The following RRP9 variants were observed in gnomAD, a reference collection of about 807,000 sequenced individuals.
The protein encoded by RRP9 is ribosomal RNA processing 9, U3 small nucleolar RNA binding protein, also known as U3 small nucleolar RNA-interacting protein 2.
A neutral mutation model predicts 65.5 loss-of-function variants in RRP9; 35 were observed. The observed-to-expected ratio is 0.53, with a 90% CI of 0.41 to 0.71. The LOEUF (loss-of-function observed/expected upper bound fraction) is 0.71, where lower values mean the gene tolerates loss of function less well. RRP9 is among the 30% of genes least tolerant of loss of function. The pLI is 0.00. For missense variants in RRP9, 533 were observed against 633.6 expected (o/e 0.84, Z 1.70); for synonymous variants, 254 against 245.0 (o/e 1.04, Z -0.34).
chr3:51,936,132 T>C, intron 8 of RRP9, 125 bp downstream of exon 8: 1 of 859,540 alleles, frequency 1.2e-6, no homozygotes. Context: ...ACAGCACCAC[T>C]CGCTACCCAC....
Position 51,937,413 on chromosome 3 carries a change from CA to C in RRP9, c.391-96del. ...TAGTGTTGGCCTTTCCCACCCAGGC[CA>C]GAAGGAAAACAAGACCCAAGGCTAC... On this transcript the variant is annotated intron_variant, in intron 5 of 14. Coordinates refer to ENST00000232888, the MANE Select transcript of RRP9 (RefSeq NM_004704.5). The surrounding 1 kb of genome is among the most constrained non-coding windows in gnomAD (Gnocchi z 5.0). 1 of 1,606,782 alleles carries C rather than the reference CA, an allele frequency of 6.2e-7. No homozygotes were observed. The highest frequency in any genetic ancestry group is 8.5e-7 in the Non-Finnish European group (1 of 1,174,862).
At chr3:51,935,113 GC>G in intron 11 of RRP9, 83 bp downstream of exon 11, 1 of 1,434,804 alleles carries the variant, frequency 7.0e-7, no homozygotes, top group Non-Finnish European at 9.8e-7. Flanking sequence ...CACTGGGGGT[GC>G]CCTGAGGCAA....
intron 2 of RRP9, among the ~76,000 whole-genome samples, chr3:51,940,898 T>C (rs964600996): frequency 3.9e-5 from 6 of 152,190 alleles, no homozygotes; most frequent in Non-Finnish European, 8.8e-5. Context: ...TACCTCTCCG[T>C]GAGAGACTCC....
rs1699413358 is a variant in RRP9 at position 51,933,472 on chromosome 3, C to T, written c.*34G>A. The T allele has an allele frequency of 6.4e-7, 1 of 1,563,170 alleles. No individual in the cohort carries two copies. The highest frequency in any genetic ancestry group is 1.4e-5 in the African/African-American group (1 of 73,848). On this transcript the variant is annotated 3_prime_UTR_variant, in exon 15 of 15. Coordinates refer to ENST00000232888, the MANE Select transcript of RRP9 (RefSeq NM_004704.5). ...TTAATACAAAGAGGGTGGGGCATAG[C>T]CTGGGAAGGACTTAAATAAGGAGGA...
rs747276295 is a variant in RRP9 at position 51,934,716 on chromosome 3, G to A, written c.1095C>T (p.His365=). ...CCAGGCCTGGCTCTCCCCGCAGCCC[G>A]TGAGCTTCACGCTGCAGGGCAAGTG... ...KRPLALQREA[H]GLRGEPGLEQ... is the part of the protein sequence containing the mutation. The change falls in exon 12 of 15, where the codon CAC becomes CAT. Residue 365 remains histidine (H), a synonymous_variant. Transcript: ENST00000232888. The surrounding 1 kb of genome is among the most constrained non-coding windows in gnomAD (Gnocchi z 4.1). 1.9e-5 allele frequency: 30 copies of A among 1,614,006 alleles called. No individual in the cohort carries two copies. Among genetic ancestry groups the A allele is most frequent in the Admixed American group, 5.0e-5 (3 of 60,008 alleles).
chr3:51,938,104 G>C lies in RRP9; in HGVS notation c.271C>G (p.Arg91Gly). 6.2e-7 allele frequency: 1 copy of C among 1,600,092 alleles called. No homozygotes were observed. The highest frequency in any genetic ancestry group is 1.3e-5 in the African/African-American group (1 of 74,446). Residue 91 changes from arginine to glycine, a missense_variant, in exon 3 of 15, where the codon CGT (arginine) becomes GGT (glycine). Physicochemically the swap from Arg to Gly is moderately radical, Grantham distance 125. Transcript: ENST00000232888. ...RLAKLYLEQL[R>G]QQEEEKAEAR... ...CTGCCCACTGGCTCACCTTGCTGAC[G>C]GAGCTGCTCTAGGTAGAGCTTGGCC...
chr3:51,934,728 C>A lies in RRP9; in HGVS notation c.1083G>T (p.Gln361His). 2 of 1,614,178 alleles carry A rather than the reference C, an allele frequency of 1.2e-6. No homozygotes were observed. The highest frequency in any genetic ancestry group is 1.7e-6 in the Non-Finnish European group (2 of 1,180,030). The change falls in exon 12 of 15, where the codon CAG becomes CAT. Residue 361 changes from glutamine to histidine, a missense_variant. Physicochemically the swap from Gln to His is conservative, Grantham distance 24. This residue lies in a region of RRP9 where 449 missense variants were observed against 550.6 expected (regional missense o/e 0.82). Transcript: ENST00000232888. This position sits in a 1 kb window ranked among gnomAD's most constrained non-coding sequence, Gnocchi z 4.1. ...GLSKKRPLAL[Q>H]REAHGLRGEP... ...CTCCCCGCAGCCCGTGAGCTTCACG[C>A]TGCAGGGCAAGTGGTCGCTTCTTGG...
At position 51,934,445 on chromosome 3, in the gene RRP9, G is replaced by C. The variant is rs376777324; in HGVS notation, c.1260+27C>G. On this transcript the variant is annotated intron_variant, in intron 13 of 14. Coordinates refer to ENST00000232888, the MANE Select transcript of RRP9 (RefSeq NM_004704.5). This position sits in a 1 kb window ranked among gnomAD's most constrained non-coding sequence, Gnocchi z 4.1. ...GGCCTAGGCAGTGTGGCAGAGACAG[G>C]CTGAGCATTCAAGCACACTCACTCA... 2 of 1,600,674 alleles carry C rather than the reference G, an allele frequency of 1.2e-6. No homozygotes were observed. The highest frequency in any genetic ancestry group is 1.7e-6 in the Non-Finnish European group (2 of 1,171,578).
chr3:51,934,517 A>G lies in RRP9; in HGVS notation c.1215T>C (p.Cys405=). 6.2e-7 allele frequency: 1 copy of G among 1,614,050 alleles called. No homozygotes were observed. The highest frequency in any genetic ancestry group is 8.5e-7 in the Non-Finnish European group (1 of 1,179,944). Residue 405 remains cysteine, a synonymous_variant, in exon 13 of 15, where the codon TGT becomes TGC. Transcript: ENST00000232888. The surrounding 1 kb of genome is among the most constrained non-coding windows in gnomAD (Gnocchi z 4.1). ...SHSSCVRLWQ[C]GEGFRQLDLL... The stretch of plus-strand genomic sequence containing the variant: ...GGTCAAGCTGCCGGAAGCCTTCCCC[A>G]CACTGCCAAAGCCGCACACAGGAGC...
In RRP9 at chr3:51,934,443, A is replaced by C; in HGVS notation, c.1260+29T>G. On this transcript the variant is annotated intron_variant, in intron 13 of 14. Transcript: ENST00000232888. This position sits in a 1 kb window ranked among gnomAD's most constrained non-coding sequence, Gnocchi z 4.1. Reference sequence around the variant, plus strand: ...GGGGCCTAGGCAGTGTGGCAGAGACAGGCTGAGCATTCAAGCACACTCACT... The same window carrying C: ...GGGGCCTAGGCAGTGTGGCAGAGACCGGCTGAGCATTCAAGCACACTCACT... The C allele has an allele frequency of 6.3e-7, 1 of 1,598,888 alleles. No individual in the cohort carries two copies. Among genetic ancestry groups the C allele is most frequent in the Non-Finnish European group, 8.5e-7 (1 of 1,170,526 alleles).
intron 2 of RRP9, among the ~76,000 whole-genome samples, chr3:51,940,635 C>T (rs1489826771): frequency 6.6e-6 from 1 of 152,170 alleles, no homozygotes; most frequent in Non-Finnish European, 1.5e-5. Context: ...AAACCTTAGC[C>T]TCCTGAGTAG....
rs181547126 is a variant in RRP9, at chr3:51,937,268, G to A, written c.441C>T (p.Leu147=). The part of the protein sequence containing the change: ...ADIRVLRGHQ[L]SITCLVVTPD... ...GGGTGACGACCAAACATGTGATAGAGAGCTGGTGCCCCCGTAAAACGCGAA... is the reference window on the plus strand; with the variant it reads ...GGGTGACGACCAAACATGTGATAGAAAGCTGGTGCCCCCGTAAAACGCGAA... The change falls in exon 6 of 15, where the codon CTC becomes CTT. Residue 147 remains leucine (L), a synonymous_variant. Coordinates refer to ENST00000232888, the MANE Select transcript of RRP9 (RefSeq NM_004704.5). This position sits in a 1 kb window ranked among gnomAD's most constrained non-coding sequence, Gnocchi z 5.0. 1.1e-5 allele frequency: 18 copies of A among 1,614,056 alleles called. No homozygotes were observed. The South Asian group carries it at 1.9e-4, about 17-fold the overall frequency.
chr3:51,933,552 A>G lies in RRP9; in HGVS notation c.1382T>C (p.Ile461Thr), dbSNP rs891682895. ...TACAGGGACCCTGCGGAGTGGGATG[A>G]TGCAGACAGAATTCCGAGCCTCTTT... ...RIKEARNSVC[I>T]IPLRRVPVPP... The change falls in exon 15 of 15, where the codon ATC becomes ACC. Residue 461 changes from isoleucine (I) to threonine (T), a missense_variant. Physicochemically the swap from Ile to Thr is moderately conservative, Grantham distance 89 (BLOSUM62 -1). Transcript: ENST00000232888. 3 of 1,614,116 alleles carry G rather than the reference A, an allele frequency of 1.9e-6. No individual in the cohort carries two copies. Among genetic ancestry groups the G allele is most frequent in the South Asian group, 1.1e-5 (1 of 91,086 alleles).
At position 51,935,433 on chromosome 3, in the gene RRP9, G is replaced by C. The variant is rs192550426; in HGVS notation, c.880C>G (p.Arg294Gly). The C allele has an allele frequency of 6.2e-7, 1 of 1,614,134 alleles. No individual in the cohort carries two copies. Among genetic ancestry groups the C allele is most frequent in the South Asian group, 1.1e-5 (1 of 91,086 alleles). ...DAVAALDALS[R>G]ECCVTAGGRD... ...CCCCCAGCCGTCACACAGCACTCCC[G>C]GCTCAAGGCATCCAGTGCAGCCACA... Residue 294 changes from arginine (R) to glycine (G), a missense_variant, in exon 10 of 15, where the codon CGG (arginine) becomes GGG (glycine). By Grantham distance (125) the Arg-to-Gly change is moderately radical. This residue lies in a region of RRP9 where 449 missense variants were observed against 550.6 expected (regional missense o/e 0.82). Transcript: ENST00000232888.
Position 51,934,462 on chromosome 3 carries a change from A to G in RRP9, c.1260+10T>C, listed in dbSNP as rs764781682. 11 of 1,610,840 alleles carry G rather than the reference A, an allele frequency of 6.8e-6. No individual in the cohort carries two copies. Among genetic ancestry groups the G allele is most frequent in the Admixed American group, 5.0e-5 (3 of 59,900 alleles). On this transcript the variant is annotated intron_variant, in intron 13 of 14. Transcript: ENST00000232888. This position sits in a 1 kb window ranked among gnomAD's most constrained non-coding sequence, Gnocchi z 4.1. ...AGAGACAGGCTGAGCATTCAAGCAC[A>G]CTCACTCACCAGGGGGATGTCACAG...
chr3:51,934,914 C>T lies in RRP9; in HGVS notation c.1035-138G>A. 1 of 968,644 alleles carries T rather than the reference C, an allele frequency of 1.0e-6. No individual in the cohort carries two copies. 60.0% of individuals were successfully genotyped at this position (968,644 alleles called of 1,614,324 possible). On this transcript the variant is annotated intron_variant, in intron 11 of 14. Coordinates refer to ENST00000232888, the MANE Select transcript of RRP9 (RefSeq NM_004704.5). This position sits in a 1 kb window ranked among gnomAD's most constrained non-coding sequence, Gnocchi z 4.1. ...ATTATTACATATTGCATGCCTGTATCAAAACATCTCAAGTACCCCACAAAT... is the reference window on the plus strand; with the variant it reads ...ATTATTACATATTGCATGCCTGTATTAAAACATCTCAAGTACCCCACAAAT...
rs1443062100 is a variant in RRP9 at position 51,937,168 on chromosome 3, A to C, written c.517+24T>G. On this transcript the variant is annotated intron_variant, in intron 6 of 14. Coordinates refer to ENST00000232888, the MANE Select transcript of RRP9 (RefSeq NM_004704.5). This position sits in a 1 kb window ranked among gnomAD's most constrained non-coding sequence, Gnocchi z 5.0. ...CTCCCGGATCCGCCATGGGGGCTCC[A>C]GCCCCACCCAGGCACTCACTCACAC... 6.2e-7 allele frequency: 1 copy of C among 1,611,244 alleles called. No individual in the cohort carries two copies. The highest frequency in any genetic ancestry group is 8.5e-7 in the Non-Finnish European group (1 of 1,178,874).
Position 51,941,882 on chromosome 3 carries a change from G to A in RRP9, c.-15C>T. The A allele has an allele frequency of 6.4e-7, 1 of 1,565,232 alleles. No homozygotes were observed. Among genetic ancestry groups the A allele is most frequent in the Non-Finnish European group, 8.6e-7 (1 of 1,162,436 alleles). On this transcript the variant is annotated 5_prime_UTR_variant, in exon 1 of 15. The change creates a new upstream start codon in the 5' untranslated region. Transcript: ENST00000232888. ...GTTGCCGACATGCTGCCCACCAGGC[G>A]TGTAGCAGCGGCCGCAGAACTCACG...
At chr3:51,938,959 T>C (rs1011015483) in intron 2 of RRP9, among the ~76,000 whole-genome samples, 23 of 152,186 alleles carry the variant, frequency 1.5e-4, no homozygotes, top group African/African-American at 5.5e-4. Flanking sequence ...CTGGTGAAGT[T>C]ACGGCTTTCC....
Sources: gnomAD v4.1 joint callset for allele counts (sites outside exome capture counted in the v4.1 genomes callset) on GRCh38, gnomAD v4.1.1 for gene constraint, gnomAD v4.1.1 regional missense constraint, Gnocchi (gnomAD v3.1) non-coding constraint, MANE v1.5 for transcripts, NCBI Gene and HGNC (gene_info 2026-07-23, HGNC 2026-07-21) for gene names.